METTL15: variants seen among roughly 807,000 people sequenced by gnomAD.
The protein encoded by METTL15 is methyltransferase 15, mitochondrial 12S rRNA N4-cytidine, also known as 12S rRNA N(4)-cytidine methyltransferase METTL15.
A neutral mutation model predicts 38.3 loss-of-function variants in METTL15; 34 were observed. The observed-to-expected ratio is 0.89, with a 90% CI of 0.68 to 1.18. METTL15 has a LOEUF of 1.18. Among genes scored for constraint, METTL15 ranks in the 50% most tolerant of loss-of-function variants. METTL15 has a pLI of 0.00. For synonymous variants in METTL15, 162 were observed against 170.9 expected (o/e 0.95, Z 0.41); for missense variants, 438 against 498.4 (o/e 0.88, Z 1.15).
rs905399152 is a variant in METTL15, at chr11:28,332,461, T to C, written c.*1620T>C. On this transcript the variant is annotated 3_prime_UTR_variant, in exon 7 of 7. Coordinates refer to ENST00000407364, the MANE Select transcript of METTL15 (RefSeq NM_001113528.2). ...TCATAAGTCATTTTTTCACCCTGTA[T>C]AGTATGGGAATTATTTTTTATGTTA... 1.3e-5 allele frequency: 2 copies of C among 151,956 alleles called. No homozygotes were observed. The highest frequency in any genetic ancestry group is 1.3e-4 in the Admixed American group (2 of 15,244). The allele number at this position is 151,956 out of a possible 1,614,324, so 9.4% of individuals were successfully genotyped here. A position where few individuals can be genotyped will look rare whatever the true frequency, so the allele number is the denominator to read the frequency against.
chr11:28,149,843 A>G (rs531613673), intron 3 of METTL15, among the ~76,000 whole-genome samples: 66 of 152,110 alleles, frequency 4.3e-4, no homozygotes, highest in African/African-American at 1.5e-3. Context: ...ATATATTTGC[A>G]TTTCTCAAAT....
chr11:28,479,057 T>TTGTGTG (rs71050961), intron 6 of METTL15, among the ~76,000 whole-genome samples: 24 of 146,722 alleles, frequency 1.6e-4, no homozygotes, highest in Admixed American at 1.0e-3. Flanking sequence ...TTATTTCTCT[T>TTGTGTG]TGTGTGTGTG....
At chr11:28,156,472 A>C (rs1431401545) in intron 3 of METTL15, among the ~76,000 whole-genome samples, 1 of 152,202 alleles carries the variant, frequency 6.6e-6, no homozygotes, top group South Asian at 2.1e-4. Context: ...AGTACAACAG[A>C]ATCTCAGAAG....
At chr11:28,504,479 C>T (rs1042376861) in intron 6 of METTL15, among the ~76,000 whole-genome samples, 6 of 152,154 alleles carry the variant, frequency 3.9e-5, no homozygotes, top group African/African-American at 1.4e-4. Flanking sequence ...GATTTTCATG[C>T]ATAATCTCCT....
chr11:28,247,076 G>A (rs542220105), intron 4 of METTL15, among the ~76,000 whole-genome samples: 4 of 151,842 alleles, frequency 2.6e-5, no homozygotes, highest in African/African-American at 7.3e-5. Flanking sequence ...ATTTCTATAT[G>A]CTATATACTA....
At chr11:28,295,015 A>G (rs577688223) in intron 5 of METTL15, among the ~76,000 whole-genome samples, 12 of 152,144 alleles carry the variant, frequency 7.9e-5, no homozygotes, top group Non-Finnish European at 1.5e-4. Flanking sequence ...ATTTCACATC[A>G]TTAACACAGT....
intron 3 of METTL15, among the ~76,000 whole-genome samples, chr11:28,158,389 A>C (rs1273718945): frequency 2.6e-5 from 4 of 152,218 alleles, no homozygotes; most frequent in Non-Finnish European, 4.4e-5. Flanking sequence ...GCATGGGCTC[A>C]GCAACATGGA....
intron 4 of METTL15, among the ~76,000 whole-genome samples, chr11:28,356,920 T>C (rs1850095391): frequency 1.3e-5 from 2 of 152,276 alleles, no homozygotes; most frequent in South Asian, 4.2e-4. Flanking sequence ...GGCTTGGCCC[T>C]GGCTGACACA....
chr11:28,158,815 T>C lies in METTL15; in HGVS notation c.270+45211T>C, dbSNP rs183911390. Among the ~76,000 whole-genome samples the C allele has an allele frequency of 1.6e-4, 24 of 152,228 alleles. No homozygotes were observed. The East Asian group carries it at 4.7e-3, about 30-fold the overall frequency. On this transcript the variant is annotated intron_variant, in intron 3 of 6. Coordinates refer to ENST00000407364, the MANE Select transcript of METTL15 (RefSeq NM_001113528.2). Reference sequence around the variant, plus strand: ...CATCATCTTGAAGCAGCTGGATTGGTAGAATGGTGGAATGGCCTTTTGAAG... The same window carrying C: ...CATCATCTTGAAGCAGCTGGATTGGCAGAATGGTGGAATGGCCTTTTGAAG...
intron 4 of METTL15, among the ~76,000 whole-genome samples, chr11:28,216,479 G>C (rs551572533): frequency 1.3e-5 from 2 of 152,126 alleles, no homozygotes; most frequent in South Asian, 4.2e-4. Flanking sequence ...ACTTCTAGAT[G>C]GTGTGAAAAA....
At chr11:28,413,804 G>A (rs908879016) in intron 5 of METTL15, among the ~76,000 whole-genome samples, 6 of 152,130 alleles carry the variant, frequency 3.9e-5, no homozygotes, top group Non-Finnish European at 7.4e-5. Context: ...TTCAACTAGA[G>A]AGAAAAAATT....
intron 3 of METTL15, among the ~76,000 whole-genome samples, chr11:28,159,014 C>G (rs1195700478): frequency 5.3e-5 from 8 of 152,240 alleles, no homozygotes; most frequent in African/African-American, 1.7e-4. Flanking sequence ...CACTTACCAT[C>G]AACCCTAGTG....
At chr11:28,436,865 A>G (rs1850986870) in intron 6 of METTL15, among the ~76,000 whole-genome samples, 1 of 152,098 alleles carries the variant, frequency 6.6e-6, no homozygotes, top group Non-Finnish European at 1.5e-5. Context: ...ATGTTGTGAA[A>G]GGAGAATAAC....
rs566375576 is a variant in METTL15, at chr11:28,255,034, C to T, written c.408-35172C>T. Among the ~76,000 whole-genome samples, 529 of 152,110 alleles carry T rather than the reference C, an allele frequency of 3.5e-3. 1 individual carries two copies. The highest frequency in any genetic ancestry group is 8.9e-3 in the South Asian group (43 of 4,820). On this transcript the variant is annotated intron_variant, in intron 4 of 6. Coordinates refer to ENST00000407364, the MANE Select transcript of METTL15 (RefSeq NM_001113528.2). ...TTTGATATTTCGGCAAGGATTGCAT[C>T]GAATCTGTAGATCGCTTTGGGTACT...
intron 4 of METTL15, among the ~76,000 whole-genome samples, chr11:28,227,261 C>T (rs1412392677): frequency 6.6e-6 from 1 of 151,778 alleles, no homozygotes; most frequent in East Asian, 1.9e-4. Flanking sequence ...TCTGTGACTT[C>T]ATAGAGTTTA....
intron 3 of METTL15, among the ~76,000 whole-genome samples, chr11:28,176,607 A>G (rs1421191277): frequency 6.6e-6 from 1 of 152,146 alleles, no homozygotes; most frequent in Non-Finnish European, 1.5e-5. Context: ...TCACTCCTTT[A>G]CACTATTAAT....
rs183057001 is a variant in METTL15 at position 28,391,771 on chromosome 11, G to T, written c.*358+29735G>T. On this transcript the variant is annotated intron_variant and NMD_transcript_variant, in intron 5 of 7. Coordinates refer to the METTL15 transcript ENST00000532947. ...AAAACTGGCTAGCCATATGTAGAAA[G>T]CTGAAACTGGATCCCTTCCTTTCAC... is the stretch of plus-strand genomic sequence containing the variant. Among the ~76,000 whole-genome samples, 13 of 152,292 alleles carry T rather than the reference G, an allele frequency of 8.5e-5. No homozygotes were observed. The East Asian group carries it at 2.3e-3, about 27-fold the overall frequency.
intron 4 of METTL15, among the ~76,000 whole-genome samples, chr11:28,283,910 A>C (rs573942242): frequency 3.1e-4 from 47 of 152,326 alleles, no homozygotes; most frequent in African/African-American, 1.1e-3. Flanking sequence ...AGTGAAAGGA[A>C]AAAGGAAGAA....
intron 6 of METTL15, among the ~76,000 whole-genome samples, chr11:28,303,800 T>C (rs1226644016): frequency 2.0e-5 from 3 of 152,192 alleles, no homozygotes; most frequent in Non-Finnish European, 4.4e-5. Flanking sequence ...TTTTCCGTCA[T>C]GTTGAAGAGG....
Sources: allele counts gnomAD v4.1 joint callset (sites outside exome capture counted in the v4.1 genomes callset), GRCh38; gene constraint gnomAD v4.1.1; transcripts MANE v1.5; gene names NCBI Gene and HGNC (gene_info 2026-07-23, HGNC 2026-07-21).